MIPOL1: variants seen among roughly 807,000 people sequenced by gnomAD.
The protein encoded by MIPOL1 is mirror-image polydactyly 1.
MIPOL1 carries 57 observed loss-of-function variants against 60.9 expected under a neutral mutation model. The ratio of observed to expected loss-of-function variants is 0.94; its 90% confidence interval spans 0.76 to 1.17. MIPOL1 has a LOEUF of 1.17. MIPOL1 is among the 50% of genes most tolerant of loss of function. The pLI is 0.00. For synonymous variants in MIPOL1, 179 were observed against 168.8 expected, an observed-to-expected ratio of 1.06 and a Z score of -0.47; for missense variants, 551 against 511.6, an observed-to-expected ratio of 1.08 and a Z score of -0.74.
At chr14:37,293,672 A>G (rs899672328) in intron 7 of MIPOL1, among the ~76,000 whole-genome samples, 4 of 152,170 alleles carry the variant, frequency 2.6e-5, no homozygotes, top group Non-Finnish European at 5.9e-5. Flanking sequence ...TCCCACACCT[A>G]GATCGGAGGG....
At chr14:37,241,304 G>A (rs1972318945) in intron 1 of MIPOL1, among the ~76,000 whole-genome samples, 1 of 151,934 alleles carries the variant, frequency 6.6e-6, no homozygotes, top group Non-Finnish European at 1.5e-5. Flanking sequence ...CATTAGGGAG[G>A]GCAGTCCACT....
intron 12 of MIPOL1, among the ~76,000 whole-genome samples, chr14:37,525,380 T>C (rs1209825379): frequency 6.6e-6 from 1 of 152,228 alleles, no homozygotes; most frequent in Non-Finnish European, 1.5e-5. Context: ...GTGAAAACCA[T>C]ATATTCCATT....
At position 37,308,446 on chromosome 14, in the gene MIPOL1, A is replaced by C; in HGVS notation, c.755A>C (p.Lys252Thr). 6.2e-7 allele frequency: 1 copy of C among 1,605,246 alleles called. No homozygotes were observed. The highest frequency in any genetic ancestry group is 8.5e-7 in the Non-Finnish European group (1 of 1,176,862). The change falls in exon 9 of 13, where the codon AAG becomes ACG. Residue 252 changes from lysine (K) to threonine (T), a missense_variant. Transcript: ENST00000684589. ...ATTGTGGATAGAATCTACAAGACCA[A>C]GGAATGTAAAATGAGAATAACTGCA... ...AIIVDRIYKT[K>T]ECKMRITAEE...
intron 12 of MIPOL1, among the ~76,000 whole-genome samples, chr14:37,536,048 G>C (rs1469398454): frequency 6.6e-6 from 1 of 152,060 alleles, no homozygotes; most frequent in Non-Finnish European, 1.5e-5. Flanking sequence ...GGGACCACAG[G>C]CATGCACCAC....
chr14:37,396,985 G>A (rs1202678092), intron 10 of MIPOL1: 2 of 152,058 alleles, frequency 1.3e-5, no homozygotes, highest in Non-Finnish European at 1.5e-5. Flanking sequence ...GGTAAATGAG[G>A]GATTTCTTCT....
intron 6 of MIPOL1, among the ~76,000 whole-genome samples, chr14:37,271,066 AG>A (rs1656977970): frequency 6.6e-6 from 1 of 152,110 alleles, no homozygotes; most frequent in Non-Finnish European, 1.5e-5. Context: ...CCAAACTTTC[AG>A]ATTATGAATG....
intron 3 of MIPOL1, 118 bp downstream of exon 3, chr14:37,248,025 C>G (rs1973450202): frequency 2.2e-6 from 2 of 924,914 alleles, no homozygotes; most frequent in Admixed American, 4.5e-5. Context: ...TGCGCACACA[C>G]ACACACAAAA....
chr14:37,391,240 G>A (rs2093228465), intron 10 of MIPOL1, among the ~76,000 whole-genome samples: 1 of 146,966 alleles, frequency 6.8e-6, no homozygotes, highest in African/African-American at 2.4e-5. Flanking sequence ...AAGAGAATTA[G>A]TCACATGCAG....
At chr14:37,350,333 C>G (rs2091263578) in intron 9 of MIPOL1, among the ~76,000 whole-genome samples, 4 of 152,156 alleles carry the variant, frequency 2.6e-5, no homozygotes, top group Admixed American at 2.0e-4. Context: ...CTGCCTCAAA[C>G]CCCAAAGTGC....
chr14:37,298,160 A>G (rs900456724), intron 7 of MIPOL1, among the ~76,000 whole-genome samples: 2 of 152,222 alleles, frequency 1.3e-5, no homozygotes, highest in African/African-American at 4.8e-5. Context: ...ATCTACAACT[A>G]TCTGATCTTT....
chr14:37,521,893 A>AAAAATAT (rs371492296), intron 12 of MIPOL1, among the ~76,000 whole-genome samples: 56 of 123,560 alleles, frequency 4.5e-4, no homozygotes, highest in Admixed American at 2.4e-3. Context: ...AAGAAAAAAA[A>AAAAATAT]ATATATATAT....
intron 7 of MIPOL1, among the ~76,000 whole-genome samples, chr14:37,290,802 C>A (rs1476939349): frequency 1.3e-5 from 2 of 152,014 alleles, no homozygotes; most frequent in African/African-American, 2.4e-5. Flanking sequence ...CAGATTATTT[C>A]ATCACCCCAG....
chr14:37,362,176 C>G (rs905840554), intron 9 of MIPOL1, among the ~76,000 whole-genome samples: 1 of 152,050 alleles, frequency 6.6e-6, no homozygotes, highest in Admixed American at 6.6e-5. Flanking sequence ...TTAATTTGCC[C>G]GTTAATTGAT....
At chr14:37,427,918 T>A (rs2093993059) in intron 11 of MIPOL1, among the ~76,000 whole-genome samples, 1 of 152,190 alleles carries the variant, frequency 6.6e-6, no homozygotes, top group Non-Finnish European at 1.5e-5. Context: ...AACCTAAAAC[T>A]AACTGTAATT....
chr14:37,367,472 T>C (rs934773964), intron 9 of MIPOL1, among the ~76,000 whole-genome samples: 2 of 152,058 alleles, frequency 1.3e-5, no homozygotes, highest in African/African-American at 2.4e-5. Context: ...TCCTGGGTGA[T>C]TTCTAATTTA....
chr14:37,275,622 C>T (rs929262931), intron 6 of MIPOL1, among the ~76,000 whole-genome samples: 2 of 150,830 alleles, frequency 1.3e-5, no homozygotes, highest in African/African-American at 4.8e-5. Context: ...TTTTGTTATT[C>T]TATTAAATTC....
At chr14:37,355,763 G>A (rs962572836) in intron 9 of MIPOL1, among the ~76,000 whole-genome samples, 1 of 150,022 alleles carries the variant, frequency 6.7e-6, no homozygotes, top group Admixed American at 6.7e-5. Context: ...TCCATCAGCT[G>A]CTTTAAGCAC....
intron 10 of MIPOL1, among the ~76,000 whole-genome samples, chr14:37,382,496 A>G (rs1001533285): frequency 2.0e-5 from 3 of 152,082 alleles, no homozygotes; most frequent in African/African-American, 7.2e-5. Flanking sequence ...AATTGCATTT[A>G]CCAATGTAGT....
chr14:37,373,378 A>G (rs2092693138), intron 10 of MIPOL1, among the ~76,000 whole-genome samples: 1 of 152,058 alleles, frequency 6.6e-6, no homozygotes, highest in Non-Finnish European at 1.5e-5. Flanking sequence ...AAGAAAATTC[A>G]TATATATTGC....
Sources: allele counts gnomAD v4.1 joint callset (sites outside exome capture counted in the v4.1 genomes callset), GRCh38; gene constraint gnomAD v4.1.1; transcripts MANE v1.5; gene names NCBI Gene and HGNC (gene_info 2026-07-23, HGNC 2026-07-21).